The following PLD1 variants were observed in gnomAD, a reference collection of about 807,000 sequenced individuals.
The protein encoded by PLD1 is phospholipase D1, also known as choline phosphatase 1.
A neutral mutation model predicts 137.1 loss-of-function variants in PLD1; 112 were observed. That is an observed-to-expected ratio of 0.82 (90% confidence interval 0.70 to 0.96). The LOEUF is 0.96. Among genes scored for constraint, PLD1 ranks in the 40% least tolerant of loss-of-function variants. The pLI, the probability that PLD1 is intolerant of heterozygous loss-of-function variation, is 0.00. For missense variants in PLD1, 1,321 were observed against 1,342.0 expected, an observed-to-expected ratio of 0.98 and a Z score of 0.24; for synonymous variants, 431 against 454.7, an observed-to-expected ratio of 0.95 and a Z score of 0.66.
At chr3:171,744,244 A>C (rs1454787211) in intron 1 of PLD1, among the ~76,000 whole-genome samples, 1 of 152,218 alleles carries the variant, frequency 6.6e-6, no homozygotes, top group South Asian at 2.1e-4. Context: ...TCAGAAAGTC[A>C]GTAAGTCAGC....
intron 11 of PLD1, among the ~76,000 whole-genome samples, chr3:171,706,265 CT>C (rs11456818): frequency 1.7e-3 from 250 of 145,652 alleles, no homozygotes; most frequent in African/African-American, 4.3e-3. Context: ...CTATGCCATT[CT>C]TTTTTTTTTT....
intron 9 of PLD1, 39 bp downstream of exon 9, chr3:171,713,854 T>G (rs1295424390): frequency 1.3e-6 from 2 of 1,554,894 alleles, no homozygotes; most frequent in South Asian, 2.3e-5. Context: ...TTTTAAGGCA[T>G]TTTTGTAGAA....
chr3:171,654,792 G>A (rs954889883), intron 21 of PLD1, among the ~76,000 whole-genome samples: 28 of 149,532 alleles, frequency 1.9e-4, no homozygotes, highest in African/African-American at 6.1e-4. Flanking sequence ...GTGAAGATTT[G>A]TTTTTTGTTT....
chr3:171,632,152 A>G (rs1006235550), intron 23 of PLD1, among the ~76,000 whole-genome samples: 1 of 152,192 alleles, frequency 6.6e-6, no homozygotes, highest in Non-Finnish European at 1.5e-5. Flanking sequence ...GCTCCAAAAA[A>G]GCATAAGCTA....
At chr3:171,641,087 C>A (rs977905976) in intron 23 of PLD1, among the ~76,000 whole-genome samples, 1 of 152,120 alleles carries the variant, frequency 6.6e-6, no homozygotes, top group East Asian at 1.9e-4. Flanking sequence ...GACATGGGAG[C>A]CTTAACCCTG....
In PLD1 at chr3:171,612,589, CA is replaced by C. The variant is rs1289950390; in HGVS notation, c.2729-158del. On this transcript the variant is annotated intron_variant, in intron 24 of 26. Transcript: ENST00000351298. This position sits in a 1 kb window ranked among gnomAD's most constrained non-coding sequence, Gnocchi z 4.1. ...TAGGGAGGTGGGGCCCTCCCTAACC[CA>C]GGGGTGAATCTTAATCAGTCTAAGC... is the stretch of plus-strand genomic sequence containing the variant. Among the ~76,000 whole-genome samples, 1 of 152,100 alleles carries C rather than the reference CA, an allele frequency of 6.6e-6. No homozygotes were observed. Among genetic ancestry groups the C allele is most frequent in the Non-Finnish European group, 1.5e-5 (1 of 68,008 alleles).
intron 1 of PLD1, among the ~76,000 whole-genome samples, chr3:171,749,627 T>A (rs1490473433): frequency 2.0e-5 from 3 of 152,208 alleles, no homozygotes; most frequent in Non-Finnish European, 4.4e-5. Context: ...AGAAACAGCA[T>A]TGTTTTTGTA....
intron 1 of PLD1, among the ~76,000 whole-genome samples, chr3:171,749,657 A>G (rs531105744): frequency 2.0e-5 from 3 of 152,340 alleles, no homozygotes; most frequent in African/African-American, 7.2e-5. Context: ...GTCCCAGACC[A>G]TGTCAACTTG....
chr3:171,764,980 AAGAAAGAAAGAAAG>A (rs1721863799), intron 1 of PLD1: 1 of 143,158 alleles, frequency 7.0e-6, no homozygotes, highest in Non-Finnish European at 1.5e-5. Flanking sequence ...GAAAGAAAGA[AAGAAAGAAAGAAAG>A]AAAGAAAGAA....
chr3:171,656,939 G>A (rs549574573), intron 21 of PLD1, among the ~76,000 whole-genome samples: 1 of 152,318 alleles, frequency 6.6e-6, no homozygotes, highest in East Asian at 1.9e-4. Flanking sequence ...AATAGGGGAA[G>A]GGAACTACAG....
At chr3:171,703,036 G>A (rs1716377565) in intron 11 of PLD1, among the ~76,000 whole-genome samples, 1 of 152,014 alleles carries the variant, frequency 6.6e-6, no homozygotes, top group African/African-American at 2.4e-5. Context: ...TAAGATATAA[G>A]GTTGGTTTAA....
chr3:171,764,912 GAAAGAAAGA>G (rs1451613303), intron 1 of PLD1, among the ~76,000 whole-genome samples: 433 of 26,126 alleles, frequency 0.017, 2 homozygotes, highest in Middle Eastern at 0.023. Context: ...AGGAAGGAAG[GAAAGAAAGA>G]AAGGAAAGAA....
chr3:171,638,093 G>A (rs1183108263), intron 23 of PLD1, among the ~76,000 whole-genome samples: 2 of 151,016 alleles, frequency 1.3e-5, no homozygotes, highest in African/African-American at 2.4e-5. Context: ...GCTGAGGCAG[G>A]AGAATGGCAT....
rs113231786 is a variant in PLD1 at position 171,656,830 on chromosome 3, C to T, written c.2429+2383G>A. The stretch of plus-strand genomic sequence containing the variant: ...ACGGAATACTCACAGTGAAGTCCTC[C>T]AGGTATGAAAAGTATGGAGTCCTCC... On this transcript the variant is annotated intron_variant, in intron 21 of 26. Coordinates refer to ENST00000351298, the MANE Select transcript of PLD1 (RefSeq NM_002662.5). Among the ~76,000 whole-genome samples the T allele has an allele frequency of 6.8e-3, 1,043 of 152,334 alleles. 11 individuals carry two copies. Among genetic ancestry groups the T allele is most frequent in the African/African-American group, 0.02 (823 of 41,578 alleles).
chr3:171,621,810 T>G (rs1011926097), intron 23 of PLD1, among the ~76,000 whole-genome samples: 1 of 152,218 alleles, frequency 6.6e-6, no homozygotes, highest in Admixed American at 6.5e-5. Flanking sequence ...ATCACCTCCT[T>G]TTTTAAGTCT....
At chr3:171,642,700 T>C in intron 23 of PLD1, 140 bp downstream of exon 23, 1 of 573,502 alleles carries the variant, frequency 1.7e-6, no homozygotes, top group Admixed American at 3.3e-5. Context: ...TGAGAATAAA[T>C]ACTTTATTAC....
chr3:171,761,263 C>T (rs1012899182), intron 1 of PLD1, among the ~76,000 whole-genome samples: 3 of 152,110 alleles, frequency 2.0e-5, no homozygotes, highest in Non-Finnish European at 4.4e-5. Context: ...CTTCTACAGA[C>T]CATGGCAAGT....
At chr3:171,633,034 C>T (rs1046927857) in intron 23 of PLD1, among the ~76,000 whole-genome samples, 1 of 152,108 alleles carries the variant, frequency 6.6e-6, no homozygotes, top group Non-Finnish European at 1.5e-5. Context: ...GTAACATGAT[C>T]TAAAAGAAAG....
intron 1 of PLD1, among the ~76,000 whole-genome samples, chr3:171,795,492 T>C (rs1224873043): frequency 3.9e-5 from 6 of 152,188 alleles, no homozygotes; most frequent in African/African-American, 1.4e-4. Flanking sequence ...GATGACTGTC[T>C]CTGGTCTTTC....
Sources: gnomAD v4.1 joint callset for allele counts (sites outside exome capture counted in the v4.1 genomes callset) on GRCh38, gnomAD v4.1.1 for gene constraint, Gnocchi (gnomAD v3.1) non-coding constraint, MANE v1.5 for transcripts, NCBI Gene and HGNC (gene_info 2026-07-23, HGNC 2026-07-21) for gene names.